The following MTPAP variants were observed in gnomAD, a reference collection of about 807,000 sequenced individuals.
MTPAP encodes the protein poly(A) RNA polymerase, mitochondrial.
MTPAP carries 23 observed loss-of-function variants against 48.7 expected under a neutral mutation model. That is an observed-to-expected ratio of 0.47 (90% confidence interval 0.34 to 0.67). MTPAP has a LOEUF of 0.67. MTPAP is among the 30% of genes least tolerant of loss of function. The probability of loss-of-function intolerance (pLI) is 0.01; values close to 1 mark genes in which losing one functional copy is unlikely to be tolerated. For missense variants in MTPAP, 614 were observed against 694.3 expected, an observed-to-expected ratio of 0.88 and a Z score of 1.30; for synonymous variants, 257 against 254.1, an observed-to-expected ratio of 1.01 and a Z score of -0.11.
chr10:30,332,168 T>C (rs1834676463), intron 4 of MTPAP, among the ~76,000 whole-genome samples: 1 of 152,234 alleles, frequency 6.6e-6, no homozygotes, highest in African/African-American at 2.4e-5. Flanking sequence ...ATTTTTAATA[T>C]TTTTACTAGC....
chr10:30,315,468 C>A (rs1303600455), intron 8 of MTPAP, among the ~76,000 whole-genome samples: 3 of 144,724 alleles, frequency 2.1e-5, no homozygotes, highest in African/African-American at 7.4e-5. Flanking sequence ...TTCATCCCAG[C>A]TGCTCAGAAA....
Position 30,326,575 on chromosome 10 carries a change from T to C in MTPAP, c.841A>G (p.Thr281Ala). 1.2e-6 allele frequency: 2 copies of C among 1,614,130 alleles called. No individual in the cohort carries two copies. ...CCTAACACAGACAGGATCTTCTGAG[T>C]TGCAATTCTTTCTGAAGGAACATTT... Reference protein sequence around the residue: ...VKNVPSERIATQKILSVLGEC... With the variant: ...VKNVPSERIAAQKILSVLGEC... The change falls in exon 5 of 9, where the codon ACT (threonine) becomes GCT (alanine). Residue 281 changes from threonine (T) to alanine (A), a missense_variant. Transcript: ENST00000263063.
chr10:30,316,819 G>C (rs1050139010), intron 6 of MTPAP, among the ~76,000 whole-genome samples: 1 of 151,996 alleles, frequency 6.6e-6, no homozygotes, highest in African/African-American at 2.4e-5. Context: ...GAACCCAGGA[G>C]GCGGAGGTTG....
At chr10:30,320,309 CCT>C (rs147579197) in intron 6 of MTPAP, among the ~76,000 whole-genome samples, 14,725 of 152,156 alleles carry the variant, frequency 0.097, 963 homozygotes, top group Non-Finnish European at 0.12. Flanking sequence ...GGGAGGATCC[CCT>C]GAGCCCAGTT....
rs1273925082 is a variant in MTPAP at position 30,313,560 on chromosome 10, C to T, written c.*49G>A. On this transcript the variant is annotated 3_prime_UTR_variant, in exon 9 of 9. Coordinates refer to ENST00000263063, the MANE Select transcript of MTPAP (RefSeq NM_018109.4). The stretch of plus-strand genomic sequence containing the variant: ...AAATCAGTTTTTCCAAGTAAGTCCA[C>T]AGACCATTTGATAGGCTAAGCCCAG... The T allele has an allele frequency of 1.2e-6, 2 of 1,611,798 alleles. No homozygotes were observed. Among genetic ancestry groups the T allele is most frequent in the Admixed American group, 3.3e-5 (2 of 60,018 alleles).
intron 3 of MTPAP, among the ~76,000 whole-genome samples, chr10:30,337,705 AAAG>A (rs1460579993): frequency 2.0e-5 from 3 of 152,248 alleles, no homozygotes; most frequent in African/African-American, 7.2e-5. Flanking sequence ...TAAGAAAATG[AAAG>A]TAGTAAAGTA....
Position 30,340,420 on chromosome 10 carries a change from T to C in MTPAP, c.361A>G (p.Lys121Glu). 6.2e-7 allele frequency: 1 copy of C among 1,614,108 alleles called. No individual in the cohort carries two copies. Among genetic ancestry groups the C allele is most frequent in the Non-Finnish European group, 8.5e-7 (1 of 1,180,028 alleles). The change falls in exon 3 of 9, where the codon AAG becomes GAG. Residue 121 changes from lysine (K) to glutamate (E), a missense_variant. By Grantham distance (56) the Lys-to-Glu change is moderately conservative. Around this residue, in one of 5 missense-constraint regions of MTPAP, gnomAD observed 114 missense variants for 107.9 expected, o/e 1.06. Transcript: ENST00000263063. ...TTCTGCAGTGAACCTATGCTTTCCT[T>C]TTGGCAAAATTCTACGACAGCATAG... ...GLYAVVEFCQ[K>E]ESIGSLQNGT...
intron 6 of MTPAP, among the ~76,000 whole-genome samples, chr10:30,317,457 C>T (rs1191231509): frequency 2.6e-5 from 4 of 152,206 alleles, no homozygotes; most frequent in African/African-American, 9.7e-5. Flanking sequence ...ACGTTAGACT[C>T]AGATATTCAC....
At chr10:30,337,074 C>A in intron 3 of MTPAP, 47 bp from the exon 4 acceptor site, 1 of 1,471,218 alleles carries the variant, frequency 6.8e-7, no homozygotes, top group South Asian at 1.1e-5. Context: ...AAGTACAGGT[C>A]GCATAAAAAG....
intron 2 of MTPAP, among the ~76,000 whole-genome samples, chr10:30,340,781 T>C (rs1402301197): frequency 6.6e-6 from 1 of 151,884 alleles, no homozygotes; most frequent in Non-Finnish European, 1.5e-5. Context: ...TAGCCAGGCG[T>C]GGTGGCAGGT....
intron 6 of MTPAP, among the ~76,000 whole-genome samples, chr10:30,318,582 G>A (rs1034762071): frequency 2.0e-5 from 3 of 152,114 alleles, no homozygotes; most frequent in Admixed American, 2.0e-4. Context: ...AAGTAGCAAA[G>A]CCAGAAAGCA....
Position 30,313,428 on chromosome 10 carries a change from G to C in MTPAP, c.*181C>G. The stretch of plus-strand genomic sequence containing the variant: ...TTTAATAAAGTGCCACTGAGTATCA[G>C]ACTGATCAAACTGAAAACATCCCAG... On this transcript the variant is annotated 3_prime_UTR_variant, in exon 9 of 9. Transcript: ENST00000263063. 1.2e-6 allele frequency: 1 copy of C among 808,820 alleles called. No homozygotes were observed. The highest frequency in any genetic ancestry group is 2.0e-6 in the Non-Finnish European group (1 of 500,536). The allele number at this position is 808,820 out of a possible 1,614,324, so 50.1% of individuals were successfully genotyped here. A position where few individuals can be genotyped will look rare whatever the true frequency, so the allele number is the denominator to read the frequency against.
chr10:30,331,301 G>A (rs1220195773), intron 4 of MTPAP, among the ~76,000 whole-genome samples: 3 of 152,184 alleles, frequency 2.0e-5, no homozygotes, highest in Non-Finnish European at 4.4e-5. Context: ...AAAAACAGAA[G>A]TTAAGCACAC....
rs1229805620 is a variant in MTPAP at position 30,339,067 on chromosome 10, G to C, written c.555+1159C>G. ...GAACCCAGGAGGTGGAGCTTGAAGTGAGCTGAGATCACGCCACTGCACTCC... is the reference window on the plus strand; with the variant it reads ...GAACCCAGGAGGTGGAGCTTGAAGTCAGCTGAGATCACGCCACTGCACTCC... On this transcript the variant is annotated intron_variant, in intron 3 of 8. Coordinates refer to ENST00000263063, the MANE Select transcript of MTPAP (RefSeq NM_018109.4). 2.0e-5 allele frequency among the ~76,000 whole-genome samples: 3 copies of C among 152,220 alleles called. No individual in the cohort carries two copies. The East Asian group carries it at 5.8e-4, about 29-fold the overall frequency.
rs1840617158 is a variant in MTPAP at position 30,313,164 on chromosome 10, T to G, written c.*445A>C. 1 of 186,046 alleles carries G rather than the reference T, an allele frequency of 5.4e-6. No individual in the cohort carries two copies. The highest frequency in any genetic ancestry group is 1.2e-4 in the South Asian group (1 of 8,570). 11.5% of individuals were successfully genotyped at this position (186,046 alleles called of 1,614,324 possible). A position where few individuals can be genotyped will look rare whatever the true frequency, so the allele number is the denominator to read the frequency against. On this transcript the variant is annotated 3_prime_UTR_variant, in exon 9 of 9. Transcript: ENST00000263063. ...ACTGATGTGGATATCAACAATGGTTTCATCCTAAAACTGAGTTTTAGCATT... is the reference window on the plus strand; with the variant it reads ...ACTGATGTGGATATCAACAATGGTTGCATCCTAAAACTGAGTTTTAGCATT...
In MTPAP at chr10:30,310,132, T is replaced by G. The variant is rs1304063328; in HGVS notation, c.*3477A>C. The G allele has an allele frequency of 1.2e-4, 19 of 152,234 alleles. No homozygotes were observed. The highest frequency in any genetic ancestry group is 1.5e-4 in the Non-Finnish European group (10 of 68,034). The allele number at this position is 152,234 out of a possible 1,614,324, so 9.4% of individuals were successfully genotyped here. A position where few individuals can be genotyped will look rare whatever the true frequency, so the allele number is the denominator to read the frequency against. On this transcript the variant is annotated 3_prime_UTR_variant, in exon 9 of 9. Transcript: ENST00000263063. ...AAAAAGTTTTACTTAACATTGCAAT[T>G]ATTTTTAATTAAGAAACAGCAATGA...
chr10:30,349,065 C>A (rs564262164), intron 1 of MTPAP, 54 bp downstream of exon 1: 201 of 1,612,946 alleles, frequency 1.2e-4, no homozygotes, highest in Middle Eastern at 1.7e-4. Context: ...CCCCGTGATC[C>A]CAGACTCCTC....
At chr10:30,316,068 G>A in intron 7 of MTPAP, 32 bp from the exon 8 acceptor site, 1 of 1,610,318 alleles carries the variant, frequency 6.2e-7, no homozygotes, top group East Asian at 2.2e-5. Context: ...ACAATCAGAG[G>A]AAAGCCTGTT....
At chr10:30,326,301 A>C in intron 5 of MTPAP, 123 bp downstream of exon 5, 5 of 920,890 alleles carry the variant, frequency 5.4e-6, no homozygotes, top group Non-Finnish European at 6.5e-6. Flanking sequence ...CCAAGTGATA[A>C]ATTTTTAAAA....
Sources: gnomAD v4.1 joint callset for allele counts (sites outside exome capture counted in the v4.1 genomes callset) on GRCh38, gnomAD v4.1.1 for gene constraint, gnomAD v4.1.1 regional missense constraint, MANE v1.5 for transcripts, NCBI Gene and HGNC (gene_info 2026-07-23, HGNC 2026-07-21) for gene names.